The following FNIP1 variants were observed in gnomAD, a reference collection of about 807,000 sequenced individuals.
FNIP1 encodes folliculin-interacting protein 1.
FNIP1 carries 40 observed loss-of-function variants against 124.5 expected under a neutral mutation model. That is an observed-to-expected ratio of 0.32 (90% CI 0.25 to 0.42). The LOEUF (loss-of-function observed/expected upper bound fraction) is 0.42, where lower values mean the gene tolerates loss of function less well. FNIP1 is among the 10% of genes least tolerant of loss of function. FNIP1 has a pLI of 1.00. For missense variants in FNIP1, 1,176 were observed against 1,403.7 expected (o/e 0.84, Z 2.59); for synonymous variants, 472 against 470.6 (o/e 1.00, Z -0.04).
chr5:131,760,257 AATC>A (rs916402813), intron 1 of FNIP1, among the ~76,000 whole-genome samples: 2 of 152,152 alleles, frequency 1.3e-5, no homozygotes, highest in African/African-American at 4.8e-5. Flanking sequence ...AAAAAAAAGA[AATC>A]AGGGTGTTAA....
intron 11 of FNIP1, among the ~76,000 whole-genome samples, chr5:131,689,733 TAAAA>T (rs1264918323): frequency 6.6e-6 from 1 of 151,860 alleles, no homozygotes; most frequent in Non-Finnish European, 1.5e-5. Context: ...AGAGAAGACA[TAAAA>T]AGAGGAGGAT....
chr5:131,749,944 C>A lies in FNIP1; in HGVS notation c.93-5254G>T, dbSNP rs144992418. On this transcript the variant is annotated intron_variant, in intron 1 of 17. Transcript: ENST00000510461. ...AACAAAATTGCCTAACAATGCATTC[C>A]TCAGAACAGAGCCCCATCATTCACT... Among the ~76,000 whole-genome samples the A allele has an allele frequency of 3.2e-3, 490 of 152,182 alleles. 6 individuals are homozygous for A. The highest frequency in any genetic ancestry group is 0.012 in the African/African-American group (481 of 41,512).
intron 6 of FNIP1, among the ~76,000 whole-genome samples, chr5:131,712,577 T>G (rs1769332454): frequency 6.6e-6 from 1 of 152,198 alleles, no homozygotes; most frequent in Non-Finnish European, 1.5e-5. Flanking sequence ...TTAAGGAGAT[T>G]TGTAAAAATA....
intron 11 of FNIP1, among the ~76,000 whole-genome samples, chr5:131,685,394 C>A (rs766295072): frequency 5.3e-5 from 8 of 150,536 alleles, no homozygotes; most frequent in Non-Finnish European, 1.2e-4. Context: ...TTGCACATTT[C>A]TTTTATATTA....
At chr5:131,661,412 C>A (rs1018598526) in intron 15 of FNIP1, among the ~76,000 whole-genome samples, 2 of 152,096 alleles carry the variant, frequency 1.3e-5, no homozygotes, top group Non-Finnish European at 2.9e-5. Flanking sequence ...AGACATCACC[C>A]AGTGAATTCC....
At chr5:131,719,246 A>G (rs891255032) in intron 4 of FNIP1, 71 bp downstream of exon 4, 4 of 1,379,810 alleles carry the variant, frequency 2.9e-6, no homozygotes, top group East Asian at 2.4e-5. Context: ...AAGATCATAT[A>G]AAATTCTCTC....
intron 11 of FNIP1, among the ~76,000 whole-genome samples, chr5:131,696,032 A>G (rs1768679434): frequency 6.6e-6 from 1 of 152,250 alleles, no homozygotes; most frequent in Admixed American, 6.5e-5. Flanking sequence ...ATCATAAAGA[A>G]GATACCTAAA....
intron 11 of FNIP1, among the ~76,000 whole-genome samples, chr5:131,680,239 C>A (rs1768038743): frequency 6.6e-6 from 1 of 152,176 alleles, no homozygotes; most frequent in Admixed American, 6.5e-5. Flanking sequence ...CTAATACCAA[C>A]CTCAGTATCA....
chr5:131,719,626 C>A (rs1769589276), intron 3 of FNIP1, among the ~76,000 whole-genome samples: 1 of 152,146 alleles, frequency 6.6e-6, no homozygotes. Context: ...TTGACTAATT[C>A]CTTTTAAGAG....
Position 131,644,763 on chromosome 5 carries a change from C to A in FNIP1, c.3423G>T (p.Gly1141=). 6.2e-7 allele frequency: 1 copy of A among 1,613,566 alleles called. No individual in the cohort carries two copies. The highest frequency in any genetic ancestry group is 8.5e-7 in the Non-Finnish European group (1 of 1,179,734). ...GAAGTGGAAGATCACTGGATTCAAT[C>A]CTGAAATAAAGGGGAAAAAAATGTC... ...VHVKELGVVL[G]IESSDLPLLA... The change falls in exon 18 of 18, where the codon GGG becomes GGT. Residue 1141 remains glycine, a splice_region_variant and synonymous_variant. Coordinates refer to ENST00000510461, the MANE Select transcript of FNIP1 (RefSeq NM_133372.3).
rs1354659330 is a variant in FNIP1, at chr5:131,650,459, A to C, written c.3306+1343T>G. Reference sequence around the variant, plus strand: ...GTATATAGAAATGCAACTTATTTTTATGGGTTTTGTATTATGCAAATCTGC... The same window carrying C: ...GTATATAGAAATGCAACTTATTTTTCTGGGTTTTGTATTATGCAAATCTGC... On this transcript the variant is annotated intron_variant, in intron 16 of 17. Transcript: ENST00000510461. Among the ~76,000 whole-genome samples the C allele has an allele frequency of 2.6e-5, 4 of 152,160 alleles. No individual in the cohort carries two copies. The East Asian group carries it at 5.8e-4, about 22-fold the overall frequency.
chr5:131,794,155 C>G, intron 1 of FNIP1, among the ~76,000 whole-genome samples: 1 of 148,826 alleles, frequency 6.7e-6, no homozygotes, highest in South Asian at 2.1e-4. Context: ...TTACTAGAGC[C>G]CAGGAGGTCA....
In FNIP1 at chr5:131,671,595, T is replaced by C. The variant is rs1767752248; in HGVS notation, c.2849A>G (p.Asp950Gly). 6.2e-7 allele frequency: 1 copy of C among 1,613,964 alleles called. No homozygotes were observed. Among genetic ancestry groups the C allele is most frequent in the Non-Finnish European group, 8.5e-7 (1 of 1,180,004 alleles). The part of the protein sequence containing the change: ...DSALGDSESE[D>G]TGHDMTRQVS... Reference sequence around the variant, plus strand: ...TTGTCTAGTCATATCATGACCTGTATCTTCACTTTCACTATCCCCAAGGGC... The same window carrying C: ...TTGTCTAGTCATATCATGACCTGTACCTTCACTTTCACTATCCCCAAGGGC... Residue 950 changes from aspartate to glycine, a missense_variant, in exon 14 of 18, where the codon GAT becomes GGT. This residue lies in a region of FNIP1 where 1,109 missense variants were observed against 1,288.5 expected (regional missense o/e 0.86). Transcript: ENST00000510461.
intron 1 of FNIP1, among the ~76,000 whole-genome samples, chr5:131,793,204 T>C (rs1049603622): frequency 2.6e-5 from 4 of 152,118 alleles, no homozygotes; most frequent in African/African-American, 9.7e-5. Context: ...GCTAATTTTT[T>C]ATATTTTTTG....
chr5:131,703,915 A>G (rs753772820), intron 10 of FNIP1, 150 bp downstream of exon 10: 1 of 597,884 alleles, frequency 1.7e-6, no homozygotes, highest in Non-Finnish European at 2.9e-6. Flanking sequence ...AGCACCTTAA[A>G]AAGGGTTCAA....
chr5:131,742,681 T>C (rs966127810), intron 2 of FNIP1, among the ~76,000 whole-genome samples: 4 of 152,252 alleles, frequency 2.6e-5, no homozygotes, highest in South Asian at 4.1e-4. Context: ...CTGAATAATT[T>C]ACTTTCATAC....
chr5:131,744,745 T>TCCCTC, intron 1 of FNIP1, 55 bp from the exon 2 acceptor site: 1 of 1,421,628 alleles, frequency 7.0e-7, no homozygotes, highest in Non-Finnish European at 9.4e-7. Context: ...TTAATAAATA[T>TCCCTC]TCCATATACA....
chr5:131,687,434 T>G (rs781051410), intron 11 of FNIP1, among the ~76,000 whole-genome samples: 1 of 152,218 alleles, frequency 6.6e-6, no homozygotes, highest in Non-Finnish European at 1.5e-5. Context: ...CAACAAAGTT[T>G]TAAATCTTAC....
chr5:131,679,079 A>T lies in FNIP1; in HGVS notation c.1299T>A (p.Tyr433Ter). The T allele has an allele frequency of 6.2e-7, 1 of 1,612,948 alleles. No individual in the cohort carries two copies. The highest frequency in any genetic ancestry group is 8.5e-7 in the Non-Finnish European group (1 of 1,179,484). The change falls in exon 12 of 18, where the codon TAT becomes TAA. Residue 433 changes from tyrosine to a stop codon, truncating the protein, a stop_gained. Coordinates refer to ENST00000510461, the MANE Select transcript of FNIP1 (RefSeq NM_133372.3). LOFTEE classifies it high-confidence loss of function. Reference protein sequence around the residue: ...SGTPEKNHLCYRFMKEFTFLM... With the variant: ...SGTPEKNHLC The stretch of plus-strand genomic sequence containing the variant: ...GAAAGGTGAACTCCTTCATGAAACG[A>T]TAGCAAAGGTGGTTCTTTTCTGGAG...
Sources: gnomAD v4.1 joint callset for allele counts (sites outside exome capture counted in the v4.1 genomes callset) on GRCh38, gnomAD v4.1.1 for gene constraint, gnomAD v4.1.1 regional missense constraint, MANE v1.5 for transcripts, NCBI Gene and HGNC (gene_info 2026-07-23, HGNC 2026-07-21) for gene names.